Variants in OC90 observed in about 807,000 individuals in gnomAD.
The protein encoded by OC90 is otoconin-90.
OC90 carries 46 observed loss-of-function variants against 47.3 expected under a neutral mutation model. The ratio of observed to expected loss-of-function variants is 0.97; its 90% CI spans 0.77 to 1.24. OC90 has a LOEUF of 1.24. Ranked by LOEUF, OC90 falls within the 50% of genes most tolerant of loss-of-function variation. OC90 has a pLI of 0.00. For synonymous variants in OC90, 271 were observed against 219.5 expected, an observed-to-expected ratio of 1.23 and a Z score of -2.07; for missense variants, 688 against 583.9, an observed-to-expected ratio of 1.18 and a Z score of -1.84.
chr8:132,039,199 G>A, intron 6 of OC90, 76 bp from the exon 7 acceptor site: 1 of 1,483,084 alleles, frequency 6.7e-7, no homozygotes, highest in Non-Finnish European at 9.2e-7. Context: ...CTCCAAGACT[G>A]AGTTCCTCAT....
chr8:132,028,706 C>CAGAAAGAAAGAA lies in OC90; in HGVS notation c.1138+355_1138+366dup, dbSNP rs796523905. Among the ~76,000 whole-genome samples the CAGAAAGAAAGAA allele has an allele frequency of 1.3e-3, 149 of 113,062 alleles. 1 individual carries two copies. The highest frequency in any genetic ancestry group is 4.9e-3 in the African/African-American group (144 of 29,474). The allele number at this position is 113,062 out of a possible 152,430, so 74.2% of individuals were successfully genotyped here. ...AGAAAGAGAAAGAAAGAAAGAGAGA[C>CAGAAAGAAAGAA]AGAAAGAAAGAAAGAAAGAGAAAGA... On this transcript the variant is annotated intron_variant, in intron 13 of 13. Transcript: ENST00000254627.
intron 9 of OC90, among the ~76,000 whole-genome samples, chr8:132,035,305 T>C (rs899005995): frequency 1.3e-5 from 2 of 152,210 alleles, no homozygotes; most frequent in Non-Finnish European, 1.5e-5. Flanking sequence ...TCCTACTACA[T>C]GCTAGGTATG....
chr8:132,054,971 C>T lies in OC90; in HGVS notation c.46+10G>A, dbSNP rs1823262360. 6.5e-7 allele frequency: 1 copy of T among 1,543,822 alleles called. No homozygotes were observed. The highest frequency in any genetic ancestry group is 8.8e-7 in the Non-Finnish European group (1 of 1,142,434). ...AAGCTGGAACTATGGTGTAAGATAT[C>T]ATTACTCACCGGCATGGGGGATCAT... is the stretch of plus-strand genomic sequence containing the variant. On this transcript the variant is annotated intron_variant, in intron 2 of 13. Transcript: ENST00000254627.
intron 13 of OC90, among the ~76,000 whole-genome samples, chr8:132,028,527 AAAGAAAGAAAGAAAGAAAG>A (rs1822797778): frequency 8.5e-5 from 1 of 11,706 alleles, no homozygotes; most frequent in Admixed American, 1.8e-3. Context: ...GAAAGAAAGA[AAAGAAAGAAAGAAAGAAAG>A]AAAGAAAGAA....
intron 4 of OC90, among the ~76,000 whole-genome samples, chr8:132,042,372 A>AT (rs201702450): frequency 4.6e-5 from 7 of 152,058 alleles, no homozygotes; most frequent in African/African-American, 1.7e-4. Flanking sequence ...TCTTGTTGTT[A>AT]TTTTTTTAAA....
At chr8:132,045,528 A>C (rs912790041) in intron 3 of OC90, among the ~76,000 whole-genome samples, 1 of 152,208 alleles carries the variant, frequency 6.6e-6, no homozygotes, top group Non-Finnish European at 1.5e-5. Context: ...TACAATTAAT[A>C]TATAACCTTC....
In OC90 at chr8:132,041,701, T is replaced by TGGG; in HGVS notation, c.170-3_170-2insCCC. 4.9e-6 allele frequency: 5 copies of TGGG among 1,023,152 alleles called. No individual in the cohort carries two copies. The highest frequency in any genetic ancestry group is 7.1e-6 in the Non-Finnish European group (5 of 708,214). 63.4% of individuals were successfully genotyped at this position (1,023,152 alleles called of 1,614,324 possible). A position where few individuals can be genotyped will look rare whatever the true frequency, so the allele number is the denominator to read the frequency against. On this transcript the variant is annotated splice_region_variant and splice_polypyrimidine_tract_variant and intron_variant, in intron 4 of 13. Coordinates refer to ENST00000254627, the MANE Select transcript of OC90 (RefSeq NM_001080399.3). ...AGGTGAAGTGGGGGCCCAGGCAATC[T>TGGG]GTGGGGGTGGGGGGCAGGGCCTGAT... is the stretch of plus-strand genomic sequence containing the variant.
At chr8:132,037,360 T>C in intron 9 of OC90, 78 bp downstream of exon 9, 2 of 1,178,102 alleles carry the variant, frequency 1.7e-6, no homozygotes, top group Non-Finnish European at 2.5e-6. Flanking sequence ...TTGTGAGATC[T>C]GGTTGTTTAA....
rs1013238504 is a variant in OC90, at chr8:132,033,236, A to T, written c.734-72T>A. 4.1e-6 allele frequency: 6 copies of T among 1,458,048 alleles called. No individual in the cohort carries two copies. The African/African-American group carries it at 8.4e-5, about 20-fold the overall frequency. The allele number at this position is 1,458,048 out of a possible 1,614,324, so 90.3% of individuals were successfully genotyped here. A position where few individuals can be genotyped will look rare whatever the true frequency, so the allele number is the denominator to read the frequency against. Reference sequence around the variant, plus strand: ...GAGAGATTTGCAGATGGACATACGAAAGCCAAATGCAAACAGATAGAACAA... The same window carrying T: ...GAGAGATTTGCAGATGGACATACGATAGCCAAATGCAAACAGATAGAACAA... On this transcript the variant is annotated intron_variant, in intron 10 of 13. Transcript: ENST00000254627.
At chr8:132,054,821 CAG>C (rs1348896255) in intron 2 of OC90, among the ~76,000 whole-genome samples, 158 bp downstream of exon 2, 1 of 151,952 alleles carries the variant, frequency 6.6e-6, no homozygotes, top group Non-Finnish European at 1.5e-5. Flanking sequence ...AGCAAGAAGA[CAG>C]AGAGGAATAT....
At position 132,031,899 on chromosome 8, in the gene OC90, G is replaced by T. The variant is rs772382576; in HGVS notation, c.1013C>A (p.Pro338Gln). The T allele has an allele frequency of 1.2e-6, 2 of 1,613,860 alleles. No individual in the cohort carries two copies. The highest frequency in any genetic ancestry group is 2.2e-5 in the South Asian group (2 of 91,042). ...CYCGQEGRGE[P>Q]RDDLDRCCLS... ...TCCATACCTGTCTAGGTCATCCCTT[G>T]GCTCGCCTCTTCCTTCTTGTCCACA... Residue 338 changes from proline to glutamine, a missense_variant, in exon 12 of 14, where the codon CCA (proline) becomes CAA (glutamine). By Grantham distance (76) the Pro-to-Gln change is moderately conservative (BLOSUM62 -1). Transcript: ENST00000254627.
At chr8:132,054,214 G>T (rs12115180) in intron 2 of OC90, among the ~76,000 whole-genome samples, 1 of 152,266 alleles carries the variant, frequency 6.6e-6, no homozygotes, top group East Asian at 1.9e-4. Context: ...AGTGGGCAAG[G>T]CTCCTGGGGC....
intron 4 of OC90, among the ~76,000 whole-genome samples, chr8:132,043,011 A>G (rs544473782): frequency 2.6e-5 from 4 of 152,356 alleles, no homozygotes; most frequent in East Asian, 3.9e-4. Flanking sequence ...CATGGAATCA[A>G]CCTAGGTTCT....
intron 10 of OC90, among the ~76,000 whole-genome samples, chr8:132,034,028 C>A (rs1182694897): frequency 6.6e-6 from 1 of 152,176 alleles, no homozygotes. Flanking sequence ...GACTAAAGCC[C>A]TGTTGTAATC....
intron 1 of OC90, among the ~76,000 whole-genome samples, chr8:132,056,248 C>T (rs988718855): frequency 2.0e-5 from 3 of 152,106 alleles, no homozygotes; most frequent in East Asian, 1.9e-4. Flanking sequence ...AATTTGTTCT[C>T]CCAGAGACCA....
chr8:132,036,183 C>A (rs1420280189), intron 9 of OC90, among the ~76,000 whole-genome samples: 1 of 152,174 alleles, frequency 6.6e-6, no homozygotes, highest in African/African-American at 2.4e-5. Flanking sequence ...AAGTTACTTG[C>A]TGAGTGACTT....
At chr8:132,025,763 G>A (rs145530832) in intron 13 of OC90, among the ~76,000 whole-genome samples, 2,010 of 152,184 alleles carry the variant, frequency 0.013, 25 homozygotes, top group Non-Finnish European at 0.02. Flanking sequence ...TCTGTCTCTT[G>A]GCTGAATTCT....
chr8:132,036,912 T>C (rs1453710261), intron 9 of OC90, among the ~76,000 whole-genome samples: 1 of 152,214 alleles, frequency 6.6e-6, no homozygotes, highest in Non-Finnish European at 1.5e-5. Flanking sequence ...TGTGTGCTGT[T>C]TTTTATAGCC....
chr8:132,054,648 T>A (rs1189145286), intron 2 of OC90, among the ~76,000 whole-genome samples: 1 of 152,236 alleles, frequency 6.6e-6, no homozygotes, highest in Non-Finnish European at 1.5e-5. Context: ...GCACGTAAAC[T>A]TTCTATGACT....
Sources: allele counts gnomAD v4.1 joint callset (sites outside exome capture counted in the v4.1 genomes callset), GRCh38; gene constraint gnomAD v4.1.1; transcripts MANE v1.5; gene names NCBI Gene and HGNC (gene_info 2026-07-23, HGNC 2026-07-21).